The following EPHA8 variants were observed in gnomAD, a reference collection of about 807,000 sequenced individuals.
The protein encoded by EPHA8 is ephrin type-A receptor 8.
EPHA8 carries 58 observed loss-of-function variants against 103.6 expected under a neutral mutation model. That is an observed-to-expected ratio of 0.56 (90% CI 0.45 to 0.70). EPHA8 has a LOEUF of 0.70. Ranked by LOEUF, EPHA8 falls within the 30% of genes least tolerant of loss-of-function variation. The pLI is 0.00. For missense variants in EPHA8, 1,304 were observed against 1,395.2 expected, an observed-to-expected ratio of 0.93 and a Z score of 1.04; for synonymous variants, 559 against 572.5, an observed-to-expected ratio of 0.98 and a Z score of 0.34.
chr1:22,571,285 C>T (rs909297802), intron 2 of EPHA8, among the ~76,000 whole-genome samples: 1 of 152,226 alleles, frequency 6.6e-6, no homozygotes, highest in Non-Finnish European at 1.5e-5. Flanking sequence ...TCGCTGAGCT[C>T]TGAACAGGTC....
intron 2 of EPHA8, among the ~76,000 whole-genome samples, chr1:22,575,287 C>T (rs1474326533): frequency 1.3e-5 from 2 of 152,124 alleles, no homozygotes; most frequent in Admixed American, 6.6e-5. Context: ...CATCCTAATG[C>T]GTATGAAGTG....
rs990871323 is a variant in EPHA8, at chr1:22,567,731, A to T, written c.95-1558A>T. ...CGAGGGGCAGGCTTAGAGCTATGCA[A>T]ATCTCAGGCAGAAGGACACCCAGCC... On this transcript the variant is annotated intron_variant, in intron 1 of 16. Transcript: ENST00000166244. The surrounding 1 kb of genome is among the most constrained non-coding windows in gnomAD (Gnocchi z 4.2). Among the ~76,000 whole-genome samples, 6 of 152,152 alleles carry T rather than the reference A, an allele frequency of 3.9e-5. No homozygotes were observed. The highest frequency in any genetic ancestry group is 1.4e-4 in the African/African-American group (6 of 41,428).
intron 5 of EPHA8, among the ~76,000 whole-genome samples, chr1:22,591,234 A>AT (rs3835602): frequency 6.6e-6 from 1 of 151,712 alleles, no homozygotes; most frequent in East Asian, 1.9e-4. Context: ...TACAAAAAAA[A>AT]TTTTTTTTGA....
rs758364805 is a variant in EPHA8 at position 22,567,554 on chromosome 1, C to G, written c.95-1735C>G. On this transcript the variant is annotated intron_variant, in intron 1 of 16. Coordinates refer to ENST00000166244, the MANE Select transcript of EPHA8 (RefSeq NM_020526.5). The surrounding 1 kb of genome is among the most constrained non-coding windows in gnomAD (Gnocchi z 4.2). ...CCAGGGAGGAATGCAGGGAGGAGCG[C>G]GGAGACCCCCTCCCTAGTTCTGCCA... Among the ~76,000 whole-genome samples, 1 of 152,038 alleles carries G rather than the reference C, an allele frequency of 6.6e-6. No individual in the cohort carries two copies. The highest frequency in any genetic ancestry group is 1.5e-5 in the Non-Finnish European group (1 of 67,988).
rs1341561708 is a variant in EPHA8, at chr1:22,598,908, A to G, written c.2249A>G (p.Tyr750Cys). The G allele has an allele frequency of 7.4e-6, 12 of 1,612,368 alleles. No individual in the cohort carries two copies. The highest frequency in any genetic ancestry group is 1.0e-5 in the Non-Finnish European group (12 of 1,179,800). Reference sequence around the variant, plus strand: ...AGAGGAGTGGGTGCCGGCATGCGCTACCTCTCAGACCTGGGCTATGTCCAC... The same window carrying G: ...AGAGGAGTGGGTGCCGGCATGCGCTGCCTCTCAGACCTGGGCTATGTCCAC... ...MLRGVGAGMRYLSDLGYVHRD... is the reference protein window; with the variant it reads ...MLRGVGAGMRCLSDLGYVHRD... The change falls in exon 13 of 17, where the codon TAC (tyrosine) becomes TGC (cysteine). Residue 750 changes from tyrosine (Y) to cysteine (C), a missense_variant. Coordinates refer to ENST00000166244, the MANE Select transcript of EPHA8 (RefSeq NM_020526.5). The surrounding 1 kb of genome is among the most constrained non-coding windows in gnomAD (Gnocchi z 5.1).
At chr1:22,584,900 G>A (rs975799379) in intron 3 of EPHA8, among the ~76,000 whole-genome samples, 1 of 152,190 alleles carries the variant, frequency 6.6e-6, no homozygotes, top group Non-Finnish European at 1.5e-5. Flanking sequence ...CTGTTTGCAA[G>A]GATCTGCCCA....
At chr1:22,566,910 C>G (rs377649133) in intron 1 of EPHA8, among the ~76,000 whole-genome samples, 7 of 152,012 alleles carry the variant, frequency 4.6e-5, no homozygotes, top group East Asian at 1.9e-4. Flanking sequence ...AGGGGAGGGA[C>G]ATAGAAGGGT....
In EPHA8 at chr1:22,577,919, GTGTA is replaced by G. The variant is rs768640313; in HGVS notation, c.823+1043_823+1046del. 7.2e-3 allele frequency among the ~76,000 whole-genome samples: 224 copies of G among 31,294 alleles called. 5 individuals carry two copies. Among genetic ancestry groups the G allele is most frequent in the South Asian group, 0.037 (30 of 808 alleles). The allele number at this position is 31,294 out of a possible 152,430, so 20.5% of individuals were successfully genotyped here. A position where few individuals can be genotyped will look rare whatever the true frequency, so the allele number is the denominator to read the frequency against. On this transcript the variant is annotated intron_variant, in intron 3 of 16. Coordinates refer to ENST00000166244, the MANE Select transcript of EPHA8 (RefSeq NM_020526.5). ...TGCATGTGTGTGTATGTGTGCGTGA[GTGTA>G]TGTGTGCGTGAGTGTATGTGTGCGA...
intron 3 of EPHA8, among the ~76,000 whole-genome samples, chr1:22,584,895 T>G (rs979861006): frequency 3.9e-5 from 6 of 152,160 alleles, no homozygotes; most frequent in African/African-American, 1.4e-4. Context: ...GTACTCTGTT[T>G]GCAAGGATCT....
intron 13 of EPHA8, among the ~76,000 whole-genome samples, chr1:22,599,725 AG>A (rs375742529): frequency 0.26 from 379 of 1,432 alleles, 45 homozygotes; most frequent in African/African-American, 0.41. Context: ...GAAGGGAGGG[AG>A]GGAAGGAAGG....
chr1:22,596,684 C>T (rs1204107810), intron 9 of EPHA8, among the ~76,000 whole-genome samples: 2 of 150,792 alleles, frequency 1.3e-5, no homozygotes, highest in Non-Finnish European at 1.5e-5. Context: ...TTTTCTGAGA[C>T]AGAGTCTCAC....
chr1:22,578,205 A>T lies in EPHA8; in HGVS notation c.823+1325A>T, dbSNP rs150066811. 4.5e-3 allele frequency among the ~76,000 whole-genome samples: 125 copies of T among 27,878 alleles called. 2 individuals carry two copies. In the East Asian group the frequency reaches 0.089, roughly 20 times the overall value. The allele number at this position is 27,878 out of a possible 152,430, so 18.3% of individuals were successfully genotyped here. On this transcript the variant is annotated intron_variant, in intron 3 of 16. Coordinates refer to ENST00000166244, the MANE Select transcript of EPHA8 (RefSeq NM_020526.5). ...GTGTGCGTGCATGTGTGTGCGTGCG[A>T]GTGTGTGCGTGTGAGTGTGCATGTG... is the stretch of plus-strand genomic sequence containing the variant.
chr1:22,591,009 C>A (rs141687473), intron 5 of EPHA8, among the ~76,000 whole-genome samples: 26 of 151,848 alleles, frequency 1.7e-4, no homozygotes, highest in Non-Finnish European at 1.5e-5. Flanking sequence ...CCACCCCCCA[C>A]GAGTCCATGC....
At chr1:22,584,396 A>T (rs1641130104) in intron 3 of EPHA8, among the ~76,000 whole-genome samples, 1 of 152,112 alleles carries the variant, frequency 6.6e-6, no homozygotes, top group Admixed American at 6.5e-5. Context: ...ATTTTCCCCC[A>T]CTCTGCAACT....
intron 5 of EPHA8, 61 bp from the exon 6 acceptor site, chr1:22,593,265 G>A: frequency 6.5e-7 from 1 of 1,531,860 alleles, no homozygotes. Context: ...CCTGGGAAGG[G>A]TTGGGAGAGA....
intron 1 of EPHA8, among the ~76,000 whole-genome samples, chr1:22,566,709 C>T (rs761659799): frequency 1.8e-4 from 28 of 152,158 alleles, no homozygotes; most frequent in Non-Finnish European, 3.5e-4. Flanking sequence ...AGGCCAGCTG[C>T]GGTGACCAGA....
chr1:22,597,998 G>A lies in EPHA8; in HGVS notation c.2116+137G>A. On this transcript the variant is annotated intron_variant, in intron 11 of 16. Coordinates refer to ENST00000166244, the MANE Select transcript of EPHA8 (RefSeq NM_020526.5). This position sits in a 1 kb window ranked among gnomAD's most constrained non-coding sequence, Gnocchi z 4.6. ...GGTTCAGGTCCCTGAATGACTCGGG[G>A]TGCCCAGAGCCTGGGACCCCAGTGG... 2 of 1,437,906 alleles carry A rather than the reference G, an allele frequency of 1.4e-6. No homozygotes were observed. The highest frequency in any genetic ancestry group is 1.9e-6 in the Non-Finnish European group (2 of 1,036,972). The allele number at this position is 1,437,906 out of a possible 1,614,324, so 89.1% of individuals were successfully genotyped here.
intron 2 of EPHA8, among the ~76,000 whole-genome samples, chr1:22,573,173 T>C (rs1185907595): frequency 6.6e-6 from 1 of 152,154 alleles, no homozygotes; most frequent in East Asian, 1.9e-4. Context: ...CTAAACTCTT[T>C]CAGGTGAGGC....
intron 2 of EPHA8, among the ~76,000 whole-genome samples, chr1:22,570,010 A>C (rs889482527): frequency 6.6e-6 from 1 of 151,750 alleles, no homozygotes; most frequent in African/African-American, 2.4e-5. Context: ...TCACCATTTC[A>C]CCTCTCTGAG....
Sources: gnomAD v4.1 joint callset for allele counts (sites outside exome capture counted in the v4.1 genomes callset) on GRCh38, gnomAD v4.1.1 for gene constraint, Gnocchi (gnomAD v3.1) non-coding constraint, MANE v1.5 for transcripts, NCBI Gene and HGNC (gene_info 2026-07-23, HGNC 2026-07-21) for gene names.